PTK2: variants seen among roughly 807,000 people sequenced by gnomAD.
The protein encoded by PTK2 is focal adhesion kinase 1.
In PTK2, 45 loss-of-function variants were observed where a neutral mutation model predicts 150.1. The ratio of observed to expected loss-of-function variants is 0.30; its 90% CI spans 0.24 to 0.38. The LOEUF is 0.38. PTK2 is among the 10% of genes least tolerant of loss of function. PTK2 has a pLI of 1.00. For synonymous variants in PTK2, 432 were observed against 449.2 expected (o/e 0.96, Z 0.48); for missense variants, 919 against 1,307.3 (o/e 0.70, Z 4.58).
chr8:140,972,832 G>T (rs2100187820), intron 1 of PTK2, among the ~76,000 whole-genome samples: 1 of 147,448 alleles, frequency 6.8e-6, no homozygotes, highest in South Asian at 2.3e-4. Flanking sequence ...AACTAAGTCT[G>T]CCATTTTACA....
intron 26 of PTK2, among the ~76,000 whole-genome samples, chr8:140,688,364 C>G (rs759748930): frequency 6.6e-6 from 1 of 152,096 alleles, no homozygotes; most frequent in Non-Finnish European, 1.5e-5. Flanking sequence ...TTCCCTTTCA[C>G]GTAAAAATAT....
chr8:140,761,410 T>G (rs2100069369), intron 15 of PTK2, 148 bp from the exon 19 acceptor site: 3 of 712,360 alleles, frequency 4.2e-6, no homozygotes, highest in Non-Finnish European at 7.5e-6. Context: ...TGGAATTCTC[T>G]TAAACAATAT....
At chr8:140,784,445 A>C (rs1200196704) in intron 14 of PTK2, among the ~76,000 whole-genome samples, 2 of 152,252 alleles carry the variant, frequency 1.3e-5, no homozygotes, top group Middle Eastern at 3.4e-3. Context: ...AGAAAAAAAA[A>C]CCCAAACACA....
intron 1 of PTK2, among the ~76,000 whole-genome samples, chr8:140,937,811 T>C (rs1223032885): frequency 1.3e-5 from 2 of 152,120 alleles, no homozygotes; most frequent in Non-Finnish European, 2.9e-5. Flanking sequence ...TTGGACATAG[T>C]GGCAGTGGCT....
intron 15 of PTK2, 70 bp downstream of exon 17, chr8:140,764,164 A>T: frequency 8.1e-7 from 1 of 1,233,736 alleles, no homozygotes; most frequent in Non-Finnish European, 1.2e-6. Context: ...GACAGTAAGT[A>T]TCAATAACTT....
intron 14 of PTK2, among the ~76,000 whole-genome samples, chr8:140,774,669 C>A (rs2100077403): frequency 6.6e-6 from 1 of 152,156 alleles, no homozygotes; most frequent in South Asian, 2.1e-4. Flanking sequence ...ATAGAAGATA[C>A]AAGTCATAAT....
At chr8:140,806,057 A>T (rs949205449) in intron 10 of PTK2, among the ~76,000 whole-genome samples, 3 of 152,196 alleles carry the variant, frequency 2.0e-5, no homozygotes, top group Admixed American at 1.3e-4. Flanking sequence ...AGGCTGCTAG[A>T]TGTCACATGA....
chr8:140,675,030 C>T (rs2100012790), intron 28 of PTK2, among the ~76,000 whole-genome samples: 1 of 150,438 alleles, frequency 6.6e-6, no homozygotes, highest in Non-Finnish European at 1.5e-5. Flanking sequence ...CACACCACTA[C>T]ACTCCAGCCT....
chr8:140,900,165 G>A (rs1386598149), intron 2 of PTK2, among the ~76,000 whole-genome samples: 2 of 152,126 alleles, frequency 1.3e-5, no homozygotes, highest in African/African-American at 2.4e-5. Context: ...AATTAGTTTC[G>A]TTGACAGATG....
At chr8:140,962,391 A>G (rs2100183630) in intron 1 of PTK2, among the ~76,000 whole-genome samples, 1 of 152,164 alleles carries the variant, frequency 6.6e-6, no homozygotes, top group Admixed American at 6.5e-5. Flanking sequence ...CATAGTAAAG[A>G]GCTAAAGAAA....
chr8:140,837,975 T>C (rs780017847), intron 7 of PTK2, among the ~76,000 whole-genome samples: 1 of 151,464 alleles, frequency 6.6e-6, no homozygotes, highest in Non-Finnish European at 1.5e-5. Context: ...GGCAGGAGAA[T>C]TGCTTGAATC....
At position 140,730,869 on chromosome 8, in the gene PTK2, G is replaced by C. The variant is rs1403496659; in HGVS notation, c.2030+4382C>G. 2.6e-5 allele frequency among the ~76,000 whole-genome samples: 4 copies of C among 151,204 alleles called. No individual in the cohort carries two copies. The East Asian group carries it at 7.7e-4, about 29-fold the overall frequency. The stretch of plus-strand genomic sequence containing the variant: ...TTATTTTTGAACATACCTGCAAAAA[G>C]GCAAATAATAAAGCTGTTTATTATG... On this transcript the variant is annotated intron_variant, in intron 22 of 31. Coordinates refer to ENST00000522684, the Ensembl canonical transcript of PTK2.
intron 2 of PTK2, among the ~76,000 whole-genome samples, chr8:140,900,349 A>G (rs1318197930): frequency 6.6e-6 from 1 of 152,242 alleles, no homozygotes; most frequent in African/African-American, 2.4e-5. Context: ...AGCTACAAAA[A>G]ATATCAAATA....
chr8:140,975,919 T>C (rs145773586), intron 1 of PTK2, among the ~76,000 whole-genome samples: 25 of 152,330 alleles, frequency 1.6e-4, no homozygotes, highest in African/African-American at 5.1e-4. Context: ...ATTAACTGAA[T>C]GAACCAGCTC....
At chr8:140,882,854 TC>T (rs1243873282) in intron 3 of PTK2, among the ~76,000 whole-genome samples, 3 of 152,140 alleles carry the variant, frequency 2.0e-5, no homozygotes. Context: ...CAACCAAACT[TC>T]CTGGCCATCA....
chr8:140,887,713 A>G (rs1451499431), intron 3 of PTK2, among the ~76,000 whole-genome samples: 1 of 152,194 alleles, frequency 6.6e-6, no homozygotes, highest in Non-Finnish European at 1.5e-5. Context: ...ATAAAATAAA[A>G]ACAAACAGGT....
chr8:140,902,216 T>G (rs2100158780), intron 2 of PTK2, among the ~76,000 whole-genome samples: 2 of 152,082 alleles, frequency 1.3e-5, no homozygotes, highest in South Asian at 4.2e-4. Context: ...GTATTTTTAG[T>G]AAAGATGGGG....
chr8:140,997,644 C>G (rs11780030), intron 1 of PTK2, among the ~76,000 whole-genome samples: 64,453 of 152,108 alleles, frequency 0.42, 15,393 homozygotes, highest in Non-Finnish European at 0.55. Context: ...TATTTGACTA[C>G]GTCATGTACA....
chr8:140,680,632 G>A (rs564526688), intron 27 of PTK2, among the ~76,000 whole-genome samples: 111 of 152,234 alleles, frequency 7.3e-4, no homozygotes, highest in African/African-American at 2.6e-3. Context: ...TATTAGCAAC[G>A]TTCTAAATAG....
Sources: gnomAD v4.1 joint callset for allele counts (sites outside exome capture counted in the v4.1 genomes callset) on GRCh38, gnomAD v4.1.1 for gene constraint, MANE v1.5 for transcripts, NCBI Gene and HGNC (gene_info 2026-07-23, HGNC 2026-07-21) for gene names.